Variants in CNTNAP4 observed in about 807,000 individuals in gnomAD.
The protein encoded by CNTNAP4 is contactin-associated protein-like 4.
CNTNAP4 carries 98 observed loss-of-function variants against 148.4 expected under a neutral mutation model. The observed-to-expected ratio is 0.66, with a 90% CI of 0.56 to 0.78. The LOEUF (loss-of-function observed/expected upper bound fraction) is 0.78, where lower values mean the gene tolerates loss of function less well. Ranked by LOEUF, CNTNAP4 falls within the 30% of genes least tolerant of loss-of-function variation. CNTNAP4 has a pLI of 0.00. For missense variants in CNTNAP4, 1,935 were observed against 1,565.6 expected (o/e 1.24, Z -3.98); for synonymous variants, 730 against 565.1 (o/e 1.29, Z -4.14).
In CNTNAP4 at chr16:76,277,694, C is replaced by G. The variant is rs754607705; in HGVS notation, c.32C>G (p.Thr11Arg). MGSVTGAVLK[T>R]LLLLSTQNWN... is the part of the protein sequence containing the mutation. The stretch of plus-strand genomic sequence containing the variant: ...TCTGTCACGGGAGCTGTCCTCAAGA[C>G]GCTACTTCTGTTATCTACTCAAAAT... The change falls in exon 1 of 24, where the codon ACG becomes AGG. Residue 11 changes from threonine (T) to arginine (R), a missense_variant. By Grantham distance (71) the Thr-to-Arg change is moderately conservative. Coordinates refer to ENST00000611870, the MANE Select transcript of CNTNAP4 (RefSeq NM_033401.5). 6.2e-7 allele frequency: 1 copy of G among 1,605,948 alleles called. No individual in the cohort carries two copies.
chr16:76,395,556 GC>G (rs2078173414), intron 3 of CNTNAP4, among the ~76,000 whole-genome samples: 1 of 151,862 alleles, frequency 6.6e-6, no homozygotes, highest in African/African-American at 2.4e-5. Flanking sequence ...GAGCCACCGC[GC>G]CCGGCCAAAG....
intron 3 of CNTNAP4, among the ~76,000 whole-genome samples, chr16:76,383,594 A>G (rs900628106): frequency 6.6e-6 from 1 of 152,216 alleles, no homozygotes; most frequent in Non-Finnish European, 1.5e-5. Flanking sequence ...GATTTAAACA[A>G]TATTGCATAC....
intron 2 of CNTNAP4, among the ~76,000 whole-genome samples, chr16:76,335,867 T>C (rs1303675954): frequency 6.6e-6 from 1 of 152,074 alleles, no homozygotes; most frequent in Admixed American, 6.5e-5. Flanking sequence ...GTGTGAGATA[T>C]CAGAATGTCA....
chr16:76,343,236 C>T (rs902248679), intron 2 of CNTNAP4, among the ~76,000 whole-genome samples: 2 of 152,046 alleles, frequency 1.3e-5, no homozygotes, highest in African/African-American at 4.8e-5. Context: ...GATAGGTGGC[C>T]TGACAATCCG....
chr16:76,380,619 G>A (rs1056898266), intron 3 of CNTNAP4, among the ~76,000 whole-genome samples: 1 of 152,090 alleles, frequency 6.6e-6, no homozygotes, highest in Non-Finnish European at 1.5e-5. Context: ...TGTGATCGGG[G>A]GAGTGGTTTT....
intron 3 of CNTNAP4, among the ~76,000 whole-genome samples, chr16:76,377,606 G>T (rs1382610290): frequency 1.3e-5 from 2 of 152,172 alleles, no homozygotes; most frequent in Non-Finnish European, 2.9e-5. Context: ...GAAGCAGAGA[G>T]TTGCAAGGGG....
chr16:76,539,427 T>G (rs1031583313), intron 19 of CNTNAP4, among the ~76,000 whole-genome samples: 1 of 152,084 alleles, frequency 6.6e-6, no homozygotes, highest in Admixed American at 6.6e-5. Flanking sequence ...CTTAATATTA[T>G]TTTTTAAGTG....
chr16:76,460,235 G>A (rs1300169562), intron 8 of CNTNAP4, among the ~76,000 whole-genome samples: 1 of 151,786 alleles, frequency 6.6e-6, no homozygotes, highest in African/African-American at 2.4e-5. Context: ...AGCCTCCCCA[G>A]TAGCTGGGAT....
intron 2 of CNTNAP4, 39 bp from the exon 3 acceptor site, chr16:76,355,279 C>T (rs1232835545): frequency 6.9e-7 from 1 of 1,442,202 alleles, no homozygotes. Flanking sequence ...AACTAACTTT[C>T]CTTTCTCAAT....
intron 2 of CNTNAP4, among the ~76,000 whole-genome samples, chr16:76,343,382 T>A (rs1330451979): frequency 6.6e-6 from 1 of 152,206 alleles, no homozygotes; most frequent in Admixed American, 6.5e-5. Flanking sequence ...CAAAATGATA[T>A]GTTTTTTCCC....
intron 3 of CNTNAP4, among the ~76,000 whole-genome samples, chr16:76,392,460 A>G (rs2078057945): frequency 6.6e-6 from 1 of 152,196 alleles, no homozygotes; most frequent in South Asian, 2.1e-4. Flanking sequence ...CTAGAGAAAT[A>G]AGGATACAGA....
chr16:76,531,770 A>G (rs1283775934), intron 17 of CNTNAP4, among the ~76,000 whole-genome samples: 1 of 152,214 alleles, frequency 6.6e-6, no homozygotes, highest in Non-Finnish European at 1.5e-5. Flanking sequence ...TTGAAACCTA[A>G]CAGTAAAGGA....
chr16:76,504,034 A>G (rs2082749782), intron 15 of CNTNAP4, among the ~76,000 whole-genome samples: 1 of 152,116 alleles, frequency 6.6e-6, no homozygotes, highest in Admixed American at 6.5e-5. Flanking sequence ...ATATAGACTG[A>G]AAACTATCCC....
intron 15 of CNTNAP4, among the ~76,000 whole-genome samples, chr16:76,500,986 A>G (rs918931520): frequency 2.6e-5 from 4 of 152,218 alleles, no homozygotes; most frequent in African/African-American, 9.6e-5. Flanking sequence ...GGGGCACAAC[A>G]GAATAAGAGG....
intron 15 of CNTNAP4, 90 bp from the exon 16 acceptor site, chr16:76,521,050 T>TA: frequency 7.9e-7 from 1 of 1,260,406 alleles, no homozygotes. Flanking sequence ...GCAAAAGTGC[T>TA]AAAAATAGAA....
At chr16:76,446,321 A>G (rs2080242848) in intron 4 of CNTNAP4, among the ~76,000 whole-genome samples, 1 of 152,172 alleles carries the variant, frequency 6.6e-6, no homozygotes. Flanking sequence ...AAATCGCTTC[A>G]TATTTTATTG....
chr16:76,389,018 A>G (rs1394155984), intron 3 of CNTNAP4, among the ~76,000 whole-genome samples: 3 of 152,254 alleles, frequency 2.0e-5, no homozygotes, highest in Non-Finnish European at 2.9e-5. Context: ...AATGTTATAT[A>G]TGACTAAGCC....
intron 1 of CNTNAP4, among the ~76,000 whole-genome samples, chr16:76,292,096 G>A (rs1045571146): frequency 1.3e-5 from 2 of 152,114 alleles, no homozygotes; most frequent in Non-Finnish European, 2.9e-5. Flanking sequence ...GCTTGTAGTA[G>A]TATATGGCTC....
intron 8 of CNTNAP4, among the ~76,000 whole-genome samples, chr16:76,458,303 G>C (rs1247406243): frequency 6.6e-6 from 1 of 152,020 alleles, no homozygotes; most frequent in Admixed American, 6.5e-5. Flanking sequence ...AACCTTTTTG[G>C]CACCAGGGAC....
Sources: gnomAD v4.1 joint callset for allele counts (sites outside exome capture counted in the v4.1 genomes callset) on GRCh38, gnomAD v4.1.1 for gene constraint, MANE v1.5 for transcripts, NCBI Gene and HGNC (gene_info 2026-07-23, HGNC 2026-07-21) for gene names.